Variants in LRRC4C observed in about 807,000 individuals in gnomAD.
The protein encoded by LRRC4C is leucine rich repeat containing 4C, also known as leucine-rich repeat-containing protein 4C.
A neutral mutation model predicts 33.6 loss-of-function variants in LRRC4C; 5 were observed. That is an observed-to-expected ratio of 0.15 (90% CI 0.08 to 0.31). The LOEUF (loss-of-function observed/expected upper bound fraction) is 0.31. Among genes scored for constraint, LRRC4C ranks in the 10% least tolerant of loss-of-function variants. LRRC4C has a pLI of 1.00. For missense variants in LRRC4C, 560 were observed against 796.7 expected (o/e 0.70, Z 3.58); for synonymous variants, 329 against 302.0 (o/e 1.09, Z -0.93).
chr11:40,786,103 T>C (rs996938288), intron 2 of LRRC4C, among the ~76,000 whole-genome samples: 1 of 152,228 alleles, frequency 6.6e-6, no homozygotes, highest in Non-Finnish European at 1.5e-5. Context: ...CAAAGTTAAT[T>C]AGCTCTGGAA....
intron 1 of LRRC4C, among the ~76,000 whole-genome samples, chr11:41,440,775 G>A (rs1955592692): frequency 6.6e-6 from 1 of 152,142 alleles, no homozygotes; most frequent in African/African-American, 2.4e-5. Flanking sequence ...AGTTTGATAA[G>A]TGTCCAGAGC....
At chr11:40,666,196 C>A (rs1437541811) in intron 2 of LRRC4C, among the ~76,000 whole-genome samples, 1 of 152,112 alleles carries the variant, frequency 6.6e-6, no homozygotes, top group African/African-American at 2.4e-5. Context: ...CAAAATTTCA[C>A]ATTTACAATG....
intron 1 of LRRC4C, among the ~76,000 whole-genome samples, chr11:40,967,299 A>T (rs1179607634): frequency 6.6e-6 from 1 of 152,002 alleles, no homozygotes; most frequent in Non-Finnish European, 1.5e-5. Context: ...AGGAGCATGA[A>T]TAAATAGTAG....
chr11:40,163,809 G>A (rs563890472), intron 5 of LRRC4C, among the ~76,000 whole-genome samples: 1 of 151,758 alleles, frequency 6.6e-6, no homozygotes, highest in Non-Finnish European at 1.5e-5. Flanking sequence ...TTTATAACTT[G>A]CTTTTGCAAA....
intron 1 of LRRC4C, among the ~76,000 whole-genome samples, chr11:41,079,786 T>A (rs1188139147): frequency 1.3e-5 from 2 of 152,188 alleles, no homozygotes; most frequent in African/African-American, 4.8e-5. Flanking sequence ...TTTTTTGTGA[T>A]TTTTTAAAGC....
At chr11:40,236,986 G>A (rs1865607912) in intron 5 of LRRC4C, among the ~76,000 whole-genome samples, 1 of 152,234 alleles carries the variant, frequency 6.6e-6, no homozygotes, top group African/African-American at 2.4e-5. Context: ...CACAGAAGTT[G>A]AGATATGGAT....
chr11:40,295,395 G>A lies in LRRC4C; in HGVS notation c.-176+24233C>T, dbSNP rs188045788. 2.0e-5 allele frequency among the ~76,000 whole-genome samples: 3 copies of A among 152,172 alleles called. No individual in the cohort carries two copies. In the East Asian group the frequency reaches 5.8e-4, roughly 29 times the overall value. On this transcript the variant is annotated intron_variant, in intron 4 of 6. Coordinates refer to ENST00000528697, the MANE Select transcript of LRRC4C (RefSeq NM_001258419.2). Reference sequence around the variant, plus strand: ...TGCCCTAAGTGATGATCTTTGCACTGATTTTCTTTATTTTTGAGAGAACAG... The same window carrying A: ...TGCCCTAAGTGATGATCTTTGCACTAATTTTCTTTATTTTTGAGAGAACAG...
At position 41,402,097 on chromosome 11, in the gene LRRC4C, T is replaced by C. The variant is rs113504887; in HGVS notation, c.-496+57334A>G. On this transcript the variant is annotated intron_variant, in intron 1 of 6. Transcript: ENST00000528697. ...TAGTGGGATAGAGAGAGATAAAAAA[T>C]ACTACAATACAGTCTGATGAAGGTG... 6.4e-3 allele frequency among the ~76,000 whole-genome samples: 979 copies of C among 152,040 alleles called. 10 individuals are homozygous for C. The highest frequency in any genetic ancestry group is 8.7e-3 in the Non-Finnish European group (589 of 67,902).
At chr11:40,991,542 A>G (rs1853562869) in intron 1 of LRRC4C, among the ~76,000 whole-genome samples, 1 of 152,164 alleles carries the variant, frequency 6.6e-6, no homozygotes, top group African/African-American at 2.4e-5. Flanking sequence ...TGTGCACTTT[A>G]TTTCTATTAT....
chr11:40,283,179 G>A lies in LRRC4C; in HGVS notation c.-176+36449C>T. Among the ~76,000 whole-genome samples the A allele has an allele frequency of 2.0e-5, 3 of 152,164 alleles. No individual in the cohort carries two copies. In the South Asian group the frequency reaches 6.2e-4, roughly 32 times the overall value. ...TAAGCCTATGAGAAGCTATGCATTG[G>A]AATATTAAATTAGCACTAAAATATA... On this transcript the variant is annotated intron_variant, in intron 4 of 6. Coordinates refer to ENST00000528697, the MANE Select transcript of LRRC4C (RefSeq NM_001258419.2).
chr11:40,666,177 A>G (rs1400000396), intron 2 of LRRC4C, among the ~76,000 whole-genome samples: 1 of 152,134 alleles, frequency 6.6e-6, no homozygotes, highest in Non-Finnish European at 1.5e-5. Context: ...AGCCTCACAA[A>G]TCACTATGCA....
At chr11:41,020,771 C>T (rs1377977264) in intron 1 of LRRC4C, among the ~76,000 whole-genome samples, 1 of 151,012 alleles carries the variant, frequency 6.6e-6, no homozygotes, top group Non-Finnish European at 1.5e-5. Context: ...CCCTATCTCA[C>T]TCTGTTCTTC....
intron 1 of LRRC4C, among the ~76,000 whole-genome samples, chr11:40,981,109 T>C (rs116280265): frequency 0.016 from 2,379 of 152,192 alleles, 62 homozygotes; most frequent in African/African-American, 0.055. Flanking sequence ...ATCTGAAATA[T>C]ATGTGGCTGA....
intron 3 of LRRC4C, among the ~76,000 whole-genome samples, chr11:40,403,506 A>C (rs1057027977): frequency 2.0e-5 from 3 of 152,140 alleles, no homozygotes; most frequent in Admixed American, 6.6e-5. Flanking sequence ...TGTGGTGACT[A>C]ATGCTGACAC....
chr11:41,239,701 T>C (rs557035193), intron 1 of LRRC4C, among the ~76,000 whole-genome samples: 4 of 152,326 alleles, frequency 2.6e-5, no homozygotes, highest in African/African-American at 9.6e-5. Flanking sequence ...TTTGTACTTT[T>C]GTTTTTCTCT....
intron 1 of LRRC4C, among the ~76,000 whole-genome samples, chr11:41,075,026 T>TAA (rs59934043): frequency 2.1e-5 from 2 of 93,844 alleles, no homozygotes; most frequent in African/African-American, 4.9e-5. Context: ...TTTTTTTTTT[T>TAA]TTTTTTTTTT....
intron 3 of LRRC4C, among the ~76,000 whole-genome samples, chr11:40,407,394 AT>A (rs1950000001): frequency 6.6e-6 from 1 of 151,956 alleles, no homozygotes; most frequent in African/African-American, 2.4e-5. Flanking sequence ...GATTTGATTG[AT>A]TTAGGTTGGT....
At chr11:41,094,565 G>A (rs1565378036) in intron 1 of LRRC4C, among the ~76,000 whole-genome samples, 1 of 151,908 alleles carries the variant, frequency 6.6e-6, no homozygotes, top group Non-Finnish European at 1.5e-5. Flanking sequence ...CCTACTGAGA[G>A]AACTCTTCTT....
intron 1 of LRRC4C, among the ~76,000 whole-genome samples, chr11:41,301,041 A>AATTAATTTTGAGG (rs1354629153): frequency 2.0e-5 from 3 of 152,194 alleles, no homozygotes; most frequent in Non-Finnish European, 4.4e-5. Flanking sequence ...ATTAGAATGT[A>AATTAATTTTGAGG]GTAAAAACCC....
Sources: allele counts gnomAD v4.1 joint callset (sites outside exome capture counted in the v4.1 genomes callset), GRCh38; gene constraint gnomAD v4.1.1; transcripts MANE v1.5; gene names NCBI Gene and HGNC (gene_info 2026-07-23, HGNC 2026-07-21).